BCL2L1: variants seen among roughly 807,000 people sequenced by gnomAD.
BCL2L1 encodes BCL2 like 1.
In BCL2L1, 1 loss-of-function variant was observed where a neutral mutation model predicts 18.7. The observed-to-expected ratio is 0.05, with a 90% CI of 0.02 to 0.25. The LOEUF (loss-of-function observed/expected upper bound fraction) is 0.25. Among genes scored for constraint, BCL2L1 ranks in the 10% least tolerant of loss-of-function variants. The pLI, the probability that BCL2L1 is intolerant of heterozygous loss-of-function variation, is 1.00. For missense variants in BCL2L1, 207 were observed against 304.9 expected (o/e 0.68, Z 2.39); for synonymous variants, 103 against 122.7 (o/e 0.84, Z 1.06).
intron 2 of BCL2L1, among the ~76,000 whole-genome samples, chr20:31,673,475 C>T (rs2060707130): frequency 6.8e-6 from 1 of 147,942 alleles, no homozygotes; most frequent in African/African-American, 2.5e-5. Flanking sequence ...AGGACCCTGT[C>T]TCTACAAAAA....
At chr20:31,684,358 C>T (rs183161381) in intron 2 of BCL2L1, among the ~76,000 whole-genome samples, 10 of 152,224 alleles carry the variant, frequency 6.6e-5, no homozygotes, top group East Asian at 3.9e-4. Context: ...GTGACAGGCA[C>T]GTACAAACCT....
At chr20:31,701,488 G>T (rs975610354) in intron 2 of BCL2L1, among the ~76,000 whole-genome samples, 1 of 152,088 alleles carries the variant, frequency 6.6e-6, no homozygotes, top group African/African-American at 2.4e-5. Context: ...CTTTTGGCTC[G>T]TCTTCTTACC....
At chr20:31,679,017 C>T (rs1173110481) in intron 2 of BCL2L1, among the ~76,000 whole-genome samples, 1 of 152,190 alleles carries the variant, frequency 6.6e-6, no homozygotes, top group African/African-American at 2.4e-5. Flanking sequence ...GGAAACAAAA[C>T]CCACATCCAC....
intron 2 of BCL2L1, among the ~76,000 whole-genome samples, chr20:31,705,626 G>A (rs2061359325): frequency 6.6e-6 from 1 of 152,198 alleles, no homozygotes; most frequent in African/African-American, 2.4e-5. Flanking sequence ...AGATGCTGTA[G>A]AACCCAGAGG....
chr20:31,710,816 G>C (rs888924079), intron 2 of BCL2L1, among the ~76,000 whole-genome samples: 2 of 152,212 alleles, frequency 1.3e-5, no homozygotes, highest in African/African-American at 4.8e-5. Context: ...CTTCCTTAGG[G>C]GCAGAAACTT....
intron 2 of BCL2L1, among the ~76,000 whole-genome samples, chr20:31,672,698 C>A (rs926628195): frequency 6.6e-6 from 1 of 152,178 alleles, no homozygotes; most frequent in Non-Finnish European, 1.5e-5. Flanking sequence ...TGCAGGTCAC[C>A]TTGTAGGTGC....
chr20:31,708,388 C>A (rs1252328582), intron 2 of BCL2L1, among the ~76,000 whole-genome samples: 1 of 152,200 alleles, frequency 6.6e-6, no homozygotes, highest in East Asian at 1.9e-4. Context: ...TGGGGAAATG[C>A]CAAGGTACCT....
Position 31,702,492 on chromosome 20 carries a change from G to A in BCL2L1, c.564+19163C>T, listed in dbSNP as rs528732453. Among the ~76,000 whole-genome samples the A allele has an allele frequency of 3.9e-5, 6 of 152,166 alleles. No homozygotes were observed. In the East Asian group the frequency reaches 5.8e-4, roughly 15 times the overall value. ...CTAAAAATACAAAAATTAGCTGGGC[G>A]TGATGGCAGGTGCCTTTATTTTTTT... On this transcript the variant is annotated intron_variant, in intron 2 of 2. Transcript: ENST00000307677.
intron 2 of BCL2L1, among the ~76,000 whole-genome samples, chr20:31,718,449 A>T (rs1244118052): frequency 6.6e-6 from 1 of 152,148 alleles, no homozygotes; most frequent in Non-Finnish European, 1.5e-5. Flanking sequence ...TGAGGTTGGG[A>T]GTTTGAAACC....
In BCL2L1 at chr20:31,718,921, T is replaced by G. The variant is rs6087771; in HGVS notation, c.564+2734A>C. Reference sequence around the variant, plus strand: ...TTCTGGGCCAGCATGTCTAGGTCACTTTATTACTCCCTGGACAACTTGATA... The same window carrying G: ...TTCTGGGCCAGCATGTCTAGGTCACGTTATTACTCCCTGGACAACTTGATA... On this transcript the variant is annotated intron_variant, in intron 2 of 2. Transcript: ENST00000307677. 2.6e-5 allele frequency among the ~76,000 whole-genome samples: 4 copies of G among 152,180 alleles called. No individual in the cohort carries two copies. In the East Asian group the frequency reaches 7.7e-4, roughly 29 times the overall value.
Position 31,695,946 on chromosome 20 carries a change from C to T in BCL2L1, c.564+25709G>A, listed in dbSNP as rs1157696668. On this transcript the variant is annotated intron_variant, in intron 2 of 2. Transcript: ENST00000307677. ...CCCTATATCACTAAATACTACCTCA[C>T]ATGTTATTTATTTTTTAGAGGTGGG... Among the ~76,000 whole-genome samples the T allele has an allele frequency of 2.0e-5, 3 of 152,160 alleles. No individual in the cohort carries two copies. The East Asian group carries it at 5.8e-4, about 29-fold the overall frequency.
upstream of BCL2L1, chr20:31,723,395 G>A (rs1471603896): frequency 1.0e-6 from 1 of 985,396 alleles, no homozygotes; most frequent in Non-Finnish European, 1.2e-6. Flanking sequence ...CCACAGCTGA[G>A]ACCACGTTTT....
upstream of BCL2L1, chr20:31,723,486 G>C: frequency 1.0e-6 from 1 of 985,390 alleles, no homozygotes; most frequent in Middle Eastern, 5.2e-4. Context: ...CGGAGCCCAG[G>C]GTGGGCCGGC....
intron 2 of BCL2L1, among the ~76,000 whole-genome samples, chr20:31,720,378 G>A (rs550241230): frequency 3.3e-5 from 5 of 152,134 alleles, no homozygotes; most frequent in Non-Finnish European, 7.3e-5. Flanking sequence ...CTCCTTCAAT[G>A]GATGACTTAT....
chr20:31,694,152 C>T (rs2061129608), intron 2 of BCL2L1, among the ~76,000 whole-genome samples: 1 of 152,154 alleles, frequency 6.6e-6, no homozygotes, highest in African/African-American at 2.4e-5. Context: ...GAACTGGCAC[C>T]TGTAGGGGGG....
chr20:31,677,963 A>C (rs2060790875), intron 2 of BCL2L1, among the ~76,000 whole-genome samples: 1 of 152,174 alleles, frequency 6.6e-6, no homozygotes, highest in South Asian at 2.1e-4. Context: ...CACTCTCTTC[A>C]TCCCTTTCCT....
chr20:31,700,167 T>C (rs2061252062), intron 2 of BCL2L1, among the ~76,000 whole-genome samples: 1 of 152,208 alleles, frequency 6.6e-6, no homozygotes, highest in South Asian at 2.1e-4. Context: ...TTGTTTATCT[T>C]AGCATCTTCA....
chr20:31,683,769 CAAAAAAAAAAA>C (rs372160646), intron 2 of BCL2L1, among the ~76,000 whole-genome samples: 5 of 80,714 alleles, frequency 6.2e-5, no homozygotes, highest in Admixed American at 1.7e-4. Flanking sequence ...AACTCCATCT[CAAAAAAAAAAA>C]AAAAAAAAAA....
chr20:31,705,432 A>G (rs1318824518), intron 2 of BCL2L1, among the ~76,000 whole-genome samples: 2 of 152,180 alleles, frequency 1.3e-5, no homozygotes. Flanking sequence ...CCCAAAATCT[A>G]ACAGCTGATA....
Sources: gnomAD v4.1 joint callset for allele counts (sites outside exome capture counted in the v4.1 genomes callset) on GRCh38, gnomAD v4.1.1 for gene constraint, MANE v1.5 for transcripts, NCBI Gene and HGNC (gene_info 2026-07-23, HGNC 2026-07-21) for gene names.